Variants in UBE2J2 observed in about 807,000 individuals in gnomAD.
UBE2J2 encodes the protein ubiquitin conjugating enzyme E2 J2.
UBE2J2 carries 5 observed loss-of-function variants against 28.6 expected under a neutral mutation model. That is an observed-to-expected ratio of 0.17 (90% confidence interval 0.09 to 0.37). The LOEUF (loss-of-function observed/expected upper bound fraction) is 0.37. UBE2J2 is among the 10% of genes least tolerant of loss of function. The pLI, the probability that UBE2J2 is intolerant of heterozygous loss-of-function variation, is 1.00. For synonymous variants in UBE2J2, 138 were observed against 139.7 expected (o/e 0.99, Z 0.09); for missense variants, 226 against 338.9 (o/e 0.67, Z 2.62).
chr1:1,266,093 C>T, intron 2 of UBE2J2: 1 of 1,304,184 alleles, frequency 7.7e-7, no homozygotes, highest in Non-Finnish European at 1.0e-6. Flanking sequence ...ACTTGTCCCT[C>T]TCACCTGCCA....
chr1:1,255,359 A>G lies in UBE2J2; in HGVS notation c.624T>C (p.His208=). The part of the protein sequence containing the change: ...VQNGIQLLNG[H]APGAVPNLAG... ...CGAGGTTTGGGACGGCCCCCGGCGCATGCCCGTTGAGCAGCTGAATCCCGT... is the reference window on the plus strand; with the variant it reads ...CGAGGTTTGGGACGGCCCCCGGCGCGTGCCCGTTGAGCAGCTGAATCCCGT... The change falls in exon 7 of 7, where the codon CAT becomes CAC. Residue 208 remains histidine (H), a synonymous_variant. Transcript: ENST00000349431. 4 of 1,613,784 alleles carry G rather than the reference A, an allele frequency of 2.5e-6. No homozygotes were observed. Among genetic ancestry groups the G allele is most frequent in the Admixed American group, 1.7e-5 (1 of 60,032 alleles).
At chr1:1,270,571 T>C (rs948219974) in intron 1 of UBE2J2, among the ~76,000 whole-genome samples, 1 of 152,044 alleles carries the variant, frequency 6.6e-6, no homozygotes, top group Non-Finnish European at 1.5e-5. Context: ...CCACTCTCAT[T>C]ATCTTCTCTA....
intron 3 of UBE2J2, among the ~76,000 whole-genome samples, chr1:1,259,066 TGTGTGTGCATGCCATCAGGACGCAC>T (rs1453195046): frequency 1.3e-5 from 2 of 149,796 alleles, no homozygotes; most frequent in African/African-American, 5.0e-5. Context: ...TGTGTGCATG[TGTGTGTGCATGCCATCAGGACGCAC>T]GTGTGTGCAT....
chr1:1,265,577 GTGTGTGTGTGTGTGTTTTCTCTCCAT>G (rs1165430664), intron 2 of UBE2J2, among the ~76,000 whole-genome samples: 2 of 150,366 alleles, frequency 1.3e-5, no homozygotes, highest in African/African-American at 2.5e-5. Flanking sequence ...GTGTGTGTGT[GTGTGTGTGTGTGTGTTTTCTCTCCAT>G]TGTGTGTGTG....
rs1422000913 is a variant in UBE2J2, at chr1:1,259,054, CGTGTGTGCATGT to C, written c.173-1756_173-1745del. ...AGTGTGTGCATGCCATCAGGACGCACGTGTGTGCATGTGTGTGTGCATGCCATCAGGACGCAC... is the reference window on the plus strand; with the variant it reads ...AGTGTGTGCATGCCATCAGGACGCACGTGTGTGCATGCCATCAGGACGCAC... On this transcript the variant is annotated intron_variant, in intron 3 of 6. Coordinates refer to ENST00000349431, the MANE Select transcript of UBE2J2 (RefSeq NM_058167.3). Among the ~76,000 whole-genome samples, 9 of 148,190 alleles carry C rather than the reference CGTGTGTGCATGT, an allele frequency of 6.1e-5. No homozygotes were observed. The South Asian group carries it at 1.3e-3, about 21-fold the overall frequency.
intron 1 of UBE2J2, 185 bp downstream of exon 1, chr1:1,273,481 G>C (rs933836413): frequency 6.6e-6 from 1 of 151,410 alleles, no homozygotes; most frequent in Non-Finnish European, 1.5e-5. Flanking sequence ...GGAGCTCCGG[G>C]AGCCCGCCGT....
At chr1:1,262,195 G>C (rs1639602593) in intron 3 of UBE2J2, 1 of 390,816 alleles carries the variant, frequency 2.6e-6, no homozygotes, top group African/African-American at 2.1e-5. Flanking sequence ...CTTCAGATCA[G>C]CTGAAGGCAC....
rs79239672 is a variant in UBE2J2 at position 1,265,180 on chromosome 1, C to T, written c.132-1794G>A. 4.5e-3 allele frequency among the ~76,000 whole-genome samples: 683 copies of T among 152,262 alleles called. 5 individuals carry two copies. The highest frequency in any genetic ancestry group is 0.015 in the African/African-American group (605 of 41,538). On this transcript the variant is annotated intron_variant, in intron 2 of 6. Coordinates refer to ENST00000349431, the MANE Select transcript of UBE2J2 (RefSeq NM_058167.3). ...GGCGGCTGAGAGAAGATGGGATCCACGTGGCCCATAGCGCACCCCACAGGC... is the reference window on the plus strand; with the variant it reads ...GGCGGCTGAGAGAAGATGGGATCCATGTGGCCCATAGCGCACCCCACAGGC...
At chr1:1,265,639 G>A (rs1277981811) in intron 2 of UBE2J2, among the ~76,000 whole-genome samples, 2 of 150,668 alleles carry the variant, frequency 1.3e-5, no homozygotes, top group African/African-American at 4.9e-5. Context: ...GTGTGTGTGT[G>A]TGTGTGTGTG....
chr1:1,268,873 C>T lies in UBE2J2; in HGVS notation c.1-881G>A, dbSNP rs1640010712. On this transcript the variant is annotated intron_variant, in intron 1 of 6. Transcript: ENST00000349431. This position sits in a 1 kb window ranked among gnomAD's most constrained non-coding sequence, Gnocchi z 4.7. ...TTTTTTTTTTGTAGAGCTGGGATCTCACTATGTTGCCCAAGGTGGTCTCAA... is the reference window on the plus strand; with the variant it reads ...TTTTTTTTTTGTAGAGCTGGGATCTTACTATGTTGCCCAAGGTGGTCTCAA... Among the ~76,000 whole-genome samples the T allele has an allele frequency of 1.3e-5, 2 of 151,716 alleles. No homozygotes were observed. Among genetic ancestry groups the T allele is most frequent in the Admixed American group, 6.6e-5 (1 of 15,236 alleles).
At chr1:1,262,028 T>G (rs1639590687) in intron 3 of UBE2J2, 1 of 229,316 alleles carries the variant, frequency 4.4e-6, no homozygotes, top group South Asian at 4.5e-5. Context: ...CGGCTAATTT[T>G]GTATTTTTAG....
intron 2 of UBE2J2, among the ~76,000 whole-genome samples, chr1:1,264,411 A>G (rs1639731477): frequency 1.3e-5 from 2 of 152,202 alleles, no homozygotes; most frequent in African/African-American, 4.8e-5. Flanking sequence ...TTCAACTGCC[A>G]ACACCGGCCA....
In UBE2J2 at chr1:1,256,888, G is replaced by GAAA. The variant is rs57305655; in HGVS notation, c.414+101_414+103dup. 5.8e-3 allele frequency: 2,935 copies of GAAA among 510,180 alleles called. 1 individual carries two copies. Among genetic ancestry groups the GAAA allele is most frequent in the South Asian group, 6.7e-3 (117 of 17,380 alleles). The allele number at this position is 510,180 out of a possible 1,614,324, so 31.6% of individuals were successfully genotyped here. On this transcript the variant is annotated intron_variant, in intron 5 of 6. Coordinates refer to ENST00000349431, the MANE Select transcript of UBE2J2 (RefSeq NM_058167.3). ...GAGACACAGCGAGACTCCGTCTCAA[G>GAAA]AAAAAAAAAAAAAAAAAAAAAAAGG...
At chr1:1,267,275 T>C (rs1231763664) in intron 2 of UBE2J2, among the ~76,000 whole-genome samples, 1 of 151,624 alleles carries the variant, frequency 6.6e-6, no homozygotes, top group Non-Finnish European at 1.5e-5. Context: ...CACTCTATAC[T>C]TCAGCAAGGG....
At position 1,259,859 on chromosome 1, in the gene UBE2J2, G is replaced by C. The variant is rs79120659; in HGVS notation, c.173-2549C>G. 2.1e-4 allele frequency among the ~76,000 whole-genome samples: 32 copies of C among 152,304 alleles called. No individual in the cohort carries two copies. The East Asian group carries it at 5.0e-3, about 24-fold the overall frequency. Reference sequence around the variant, plus strand: ...ACTCCCCAAGGGAAACCTGTGTGCAGAACGCCCTGGACCCAATAAAGGGTC... The same window carrying C: ...ACTCCCCAAGGGAAACCTGTGTGCACAACGCCCTGGACCCAATAAAGGGTC... On this transcript the variant is annotated intron_variant, in intron 3 of 6. Coordinates refer to ENST00000349431, the MANE Select transcript of UBE2J2 (RefSeq NM_058167.3).
intron 3 of UBE2J2, among the ~76,000 whole-genome samples, chr1:1,262,614 T>C (rs1298440838): frequency 6.6e-6 from 1 of 152,202 alleles, no homozygotes; most frequent in East Asian, 1.9e-4. Flanking sequence ...GCCGGGGCCC[T>C]GTGGCTGGAC....
chr1:1,269,592 C>G (rs1454031298), intron 1 of UBE2J2, among the ~76,000 whole-genome samples: 1 of 152,030 alleles, frequency 6.6e-6, no homozygotes, highest in Non-Finnish European at 1.5e-5. Context: ...ACTCAAGTAG[C>G]TGGGATTACA....
chr1:1,255,055 T>G lies in UBE2J2; in HGVS notation c.*148A>C. The G allele has an allele frequency of 1.2e-6, 1 of 825,932 alleles. No individual in the cohort carries two copies. Among genetic ancestry groups the G allele is most frequent in the Non-Finnish European group, 1.8e-6 (1 of 545,118 alleles). 51.2% of individuals were successfully genotyped at this position (825,932 alleles called of 1,614,324 possible). The stretch of plus-strand genomic sequence containing the variant: ...CTCCTCCAAAGCCCAGTCACACATT[T>G]TGGTTTTTGCTTCCCCTTTCAGGTT... On this transcript the variant is annotated 3_prime_UTR_variant, in exon 7 of 7. Coordinates refer to ENST00000349431, the MANE Select transcript of UBE2J2 (RefSeq NM_058167.3).
Position 1,255,324 on chromosome 1 carries a change from T to C in UBE2J2, c.659A>G (p.Gln220Arg). 6.2e-7 allele frequency: 1 copy of C among 1,613,746 alleles called. No individual in the cohort carries two copies. The highest frequency in any genetic ancestry group is 8.5e-7 in the Non-Finnish European group (1 of 1,180,014). The change falls in exon 7 of 7, where the codon CAG (glutamine) becomes CGG (arginine). Residue 220 changes from glutamine to arginine, a missense_variant. By Grantham distance (43) the Gln-to-Arg change is conservative (BLOSUM62 1). Coordinates refer to ENST00000349431, the MANE Select transcript of UBE2J2 (RefSeq NM_058167.3). ...PGAVPNLAGL[Q>R]QANRHHGLLG... The stretch of plus-strand genomic sequence containing the variant: ...GAGTCCGTGGTGCCGGTTGGCCTGC[T>C]GGAGCCCTGCGAGGTTTGGGACGGC...
Sources: gnomAD v4.1 joint callset for allele counts (sites outside exome capture counted in the v4.1 genomes callset) on GRCh38, gnomAD v4.1.1 for gene constraint, Gnocchi (gnomAD v3.1) non-coding constraint, MANE v1.5 for transcripts, NCBI Gene and HGNC (gene_info 2026-07-23, HGNC 2026-07-21) for gene names.